ALOX12B: variants seen among roughly 807,000 people sequenced by gnomAD.
The protein encoded by ALOX12B is arachidonate 12-lipoxygenase, 12R-type.
A neutral mutation model predicts 78.9 loss-of-function variants in ALOX12B; 47 were observed. The observed-to-expected ratio is 0.60, with a 90% CI of 0.47 to 0.76. ALOX12B has a LOEUF of 0.76. Among genes scored for constraint, ALOX12B ranks in the 30% least tolerant of loss-of-function variants. The probability of loss-of-function intolerance (pLI) is 0.00; values close to 1 mark genes in which losing one functional copy is unlikely to be tolerated. For synonymous variants in ALOX12B, 370 were observed against 374.5 expected (o/e 0.99, Z 0.14); for missense variants, 805 against 922.6 (o/e 0.87, Z 1.65).
intron 1 of ALOX12B, 66 bp from the exon 2 acceptor site, chr17:8,086,286 T>C (rs1978298155): frequency 6.6e-7 from 1 of 1,523,770 alleles, no homozygotes; most frequent in Non-Finnish European, 9.0e-7. Flanking sequence ...CGCCCACCCC[T>C]CTGGCCCCTC....
chr17:8,077,016 G>T lies in ALOX12B; in HGVS notation c.1249C>A (p.Leu417Met). ...TTGTAGAGGGGGTGGCACATGGGCA[G>T]GTTCCTCAGCAAGGCCAGGCAGAAG... ...EAFCLALLRN[L>M]PMCHPLYKLL... The change falls in exon 9 of 15, where the codon CTG becomes ATG. Residue 417 changes from leucine (L) to methionine (M), a missense_variant. By Grantham distance (15) the Leu-to-Met change is conservative. Coordinates refer to ENST00000647874, the MANE Select transcript of ALOX12B (RefSeq NM_001139.3). The T allele has an allele frequency of 6.2e-7, 1 of 1,613,868 alleles. No individual in the cohort carries two copies. Among genetic ancestry groups the T allele is most frequent in the Non-Finnish European group, 8.5e-7 (1 of 1,179,974 alleles).
At chr17:8,073,865 G>C (rs1361044850) in intron 12 of ALOX12B, 108 bp from the exon 13 acceptor site, 10 of 881,964 alleles carry the variant, frequency 1.1e-5, no homozygotes, top group East Asian at 2.6e-5. Flanking sequence ...AAAGCTTCAA[G>C]CTGCCGCATC....
In ALOX12B at chr17:8,073,160, C is replaced by A. The variant is rs1296196861; in HGVS notation, c.1914G>T (p.Glu638Asp). Residue 638 changes from glutamate to aspartate, a missense_variant, in exon 14 of 15, where the codon GAG becomes GAT. Coordinates refer to ENST00000647874, the MANE Select transcript of ALOX12B (RefSeq NM_001139.3). ...TLLVLWTLSREPDDRRPLGHF... is the reference protein window; with the variant it reads ...TLLVLWTLSRDPDDRRPLGHF... ...TCCCGTCTCGCACCCTGTCGTCAGG[C>A]TCTCGGCTGAGGGTCCAGAGCACCA... 1.2e-6 allele frequency: 2 copies of A among 1,614,186 alleles called. No homozygotes were observed. Among genetic ancestry groups the A allele is most frequent in the Non-Finnish European group, 1.7e-6 (2 of 1,180,038 alleles).
chr17:8,087,640 C>A lies in ALOX12B; in HGVS notation c.-198G>T. The A allele has an allele frequency of 1.1e-6, 1 of 894,276 alleles. No individual in the cohort carries two copies. The highest frequency in any genetic ancestry group is 1.7e-6 in the Non-Finnish European group (1 of 585,304). The allele number at this position is 894,276 out of a possible 1,614,324, so 55.4% of individuals were successfully genotyped here. On this transcript the variant is annotated 5_prime_UTR_variant, in exon 1 of 15. Transcript: ENST00000647874. ...CTGGAAAAGCTGCTGCCCTTGGTGG[C>A]CGGGGTGGGTGCCGGGCAGGCCCAG... is the stretch of plus-strand genomic sequence containing the variant.
chr17:8,078,099 G>C (rs1300238015), intron 8 of ALOX12B, among the ~76,000 whole-genome samples: 1 of 151,262 alleles, frequency 6.6e-6, no homozygotes, highest in Non-Finnish European at 1.5e-5. Flanking sequence ...ATCCAGAAAG[G>C]ATCTATTTTA....
chr17:8,086,798 T>C (rs886209567), intron 1 of ALOX12B, among the ~76,000 whole-genome samples: 2 of 151,598 alleles, frequency 1.3e-5, no homozygotes, highest in African/African-American at 4.9e-5. Context: ...GGCAGCTGAA[T>C]TAGGAAGAGT....
chr17:8,080,920 G>A lies in ALOX12B; in HGVS notation c.491C>T (p.Pro164Leu). Residue 164 changes from proline to leucine, a missense_variant, in exon 4 of 15, where the codon CCT (proline) becomes CTT (leucine). Transcript: ENST00000647874. This position sits in a 1 kb window ranked among gnomAD's most constrained non-coding sequence, Gnocchi z 4.8. ...PSYVHIPSYR[P>L]PVRRHRNPNR... is the part of the protein sequence containing the mutation. Reference sequence around the variant, plus strand: ...GGGGTTGCGATGCCTCCGCACCGGAGGGCGGTAACTGGGAATGTGCACATA... The same window carrying A: ...GGGGTTGCGATGCCTCCGCACCGGAAGGCGGTAACTGGGAATGTGCACATA... The A allele has an allele frequency of 1.9e-6, 3 of 1,613,936 alleles. No homozygotes were observed. The South Asian group carries it at 3.3e-5, about 18-fold the overall frequency.
At position 8,079,685 on chromosome 17, in the gene ALOX12B, C is replaced by T. The variant is rs925848891; in HGVS notation, c.927+84G>A. 4.5e-5 allele frequency: 69 copies of T among 1,547,320 alleles called. No individual in the cohort carries two copies. The highest frequency in any genetic ancestry group is 5.8e-5 in the Non-Finnish European group (67 of 1,145,508). ...GGTGCGGGCTTGCCTGGGACTGGCG[C>T]GGGCGCCGGAGGTGGGGAGAGACGG... On this transcript the variant is annotated intron_variant, in intron 7 of 14. Coordinates refer to ENST00000647874, the MANE Select transcript of ALOX12B (RefSeq NM_001139.3). This position sits in a 1 kb window ranked among gnomAD's most constrained non-coding sequence, Gnocchi z 6.4.
chr17:8,080,345 G>A lies in ALOX12B; in HGVS notation c.651-7C>T, dbSNP rs1567983195. On this transcript the variant is annotated splice_polypyrimidine_tract_variant and splice_region_variant and intron_variant, in intron 5 of 14. Coordinates refer to ENST00000647874, the MANE Select transcript of ALOX12B (RefSeq NM_001139.3). The surrounding 1 kb of genome is among the most constrained non-coding windows in gnomAD (Gnocchi z 4.8). ...GACTTTGAAAGCCAGTGCCCTAGGA[G>A]ATGGGATTCCAGGAAGAGGCCTTCA... 5.6e-6 allele frequency: 9 copies of A among 1,614,098 alleles called. No homozygotes were observed. The highest frequency in any genetic ancestry group is 2.2e-5 in the South Asian group (2 of 91,090).
At position 8,086,029 on chromosome 17, in the gene ALOX12B, G is replaced by C; in HGVS notation, c.339C>G (p.Leu113=). ...ATGAGGGCTTACCTGTGGCCTCCCG[G>C]AGTGCCAGGGTCTCGTAGCCATCCA... The part of the protein sequence containing the change: ...QWMDGYETLA[L]REATGKTTAD... Residue 113 remains leucine (L), a synonymous_variant, in exon 2 of 15, where the codon CTC becomes CTG. Coordinates refer to ENST00000647874, the MANE Select transcript of ALOX12B (RefSeq NM_001139.3). The C allele has an allele frequency of 1.2e-6, 2 of 1,614,180 alleles. No homozygotes were observed. The highest frequency in any genetic ancestry group is 2.7e-5 in the African/African-American group (2 of 75,070).
Position 8,072,777 on chromosome 17 carries a change from A to G in ALOX12B, c.2100T>C (p.Ser700=), listed in dbSNP as rs1977007242. Residue 700 remains serine, a synonymous_variant, in exon 15 of 15, where the codon TCT becomes TCC. Transcript: ENST00000647874. ...LDPVLIENSI[S]I ...AGAGACGGGAAGCGCGCTCCTAAATAGAAATGCTGTTCTCAATCAGCACCG... is the reference window on the plus strand; with the variant it reads ...AGAGACGGGAAGCGCGCTCCTAAATGGAAATGCTGTTCTCAATCAGCACCG... 6.2e-7 allele frequency: 1 copy of G among 1,614,124 alleles called. No individual in the cohort carries two copies. Among genetic ancestry groups the G allele is most frequent in the South Asian group, 1.1e-5 (1 of 91,094 alleles).
intron 2 of ALOX12B, among the ~76,000 whole-genome samples, chr17:8,082,283 G>A (rs1977231816): frequency 6.6e-6 from 1 of 152,114 alleles, no homozygotes. Flanking sequence ...GCACTTACTA[G>A]GTCCCAGGTA....
rs769857850 is a variant in ALOX12B at position 8,072,806 on chromosome 17, C to G, written c.2071G>C (p.Asp691His). 3 of 1,614,192 alleles carry G rather than the reference C, an allele frequency of 1.9e-6. No homozygotes were observed. The highest frequency in any genetic ancestry group is 2.2e-5 in the East Asian group (1 of 44,886). Residue 691 changes from aspartate to histidine, a missense_variant, in exon 15 of 15, where the codon GAC becomes CAC. Physicochemically the swap from Asp to His is moderately conservative, Grantham distance 81. Coordinates refer to ENST00000647874, the MANE Select transcript of ALOX12B (RefSeq NM_001139.3). ...KCLPIPYYYL[D>H]PVLIENSISI Reference sequence around the variant, plus strand: ...ATGCTGTTCTCAATCAGCACCGGGTCCAGGTAGTAGTAGGGGATGGGAAGG... The same window carrying G: ...ATGCTGTTCTCAATCAGCACCGGGTGCAGGTAGTAGTAGGGGATGGGAAGG...
Position 8,080,170 on chromosome 17 carries a change from G to A in ALOX12B, c.754+65C>T, listed in dbSNP as rs369944909. On this transcript the variant is annotated intron_variant, in intron 6 of 14. Coordinates refer to ENST00000647874, the MANE Select transcript of ALOX12B (RefSeq NM_001139.3). This position sits in a 1 kb window ranked among gnomAD's most constrained non-coding sequence, Gnocchi z 4.8. ...CCGTCCCACTGCCCCGAAGTCGGGGGCCTGCCTAGCACGCCGGAGACCGCC... is the reference window on the plus strand; with the variant it reads ...CCGTCCCACTGCCCCGAAGTCGGGGACCTGCCTAGCACGCCGGAGACCGCC... The A allele has an allele frequency of 1.3e-6, 2 of 1,565,338 alleles. No homozygotes were observed. Among genetic ancestry groups the A allele is most frequent in the South Asian group, 1.1e-5 (1 of 90,094 alleles).
chr17:8,072,964 G>A lies in ALOX12B; in HGVS notation c.1927-14C>T, dbSNP rs761405902. 1 of 1,608,926 alleles carries A rather than the reference G, an allele frequency of 6.2e-7. No homozygotes were observed. On this transcript the variant is annotated splice_polypyrimidine_tract_variant and intron_variant, in intron 14 of 14. Coordinates refer to ENST00000647874, the MANE Select transcript of ALOX12B (RefSeq NM_001139.3). ...TCCCAGGGGCCGCTGCGGGCAGAGA[G>A]CTCGACAGCTGGGACCAGGGCCGGC...
At position 8,081,199 on chromosome 17, in the gene ALOX12B, C is replaced by T. The variant is rs565146985; in HGVS notation, c.353-12G>A. 2.5e-5 allele frequency: 41 copies of T among 1,613,444 alleles called. No individual in the cohort carries two copies. The South Asian group carries it at 4.3e-4, about 17-fold the overall frequency. ...TGCTGTTGTCTTTCCTGTAGGGAGA[C>T]CAAGGAGAGGACTCAAGGGCTGACC... On this transcript the variant is annotated splice_polypyrimidine_tract_variant and intron_variant, in intron 2 of 14. Transcript: ENST00000647874.
rs1224737731 is a variant in ALOX12B, at chr17:8,076,360, C to T, written c.1363-16G>A. On this transcript the variant is annotated splice_polypyrimidine_tract_variant and intron_variant, in intron 10 of 14. Transcript: ENST00000647874. Reference sequence around the variant, plus strand: ...GGGACATGCCCTGTGAGGAAGGAGGCAGATCCTGGAGCCGGACAGGCATCC... The same window carrying T: ...GGGACATGCCCTGTGAGGAAGGAGGTAGATCCTGGAGCCGGACAGGCATCC... 2 of 1,586,034 alleles carry T rather than the reference C, an allele frequency of 1.3e-6. No homozygotes were observed. Among genetic ancestry groups the T allele is most frequent in the Non-Finnish European group, 1.7e-6 (2 of 1,165,408 alleles).
chr17:8,076,629 T>A (rs1044510683), intron 10 of ALOX12B, 28 bp downstream of exon 10: 4 of 1,543,526 alleles, frequency 2.6e-6, no homozygotes, highest in Admixed American at 2.0e-5. Flanking sequence ...AACAAATGTC[T>A]CGTTGGGGTT....
At chr17:8,076,084 C>A in intron 11 of ALOX12B, 91 bp downstream of exon 11, 2 of 1,549,864 alleles carry the variant, frequency 1.3e-6, no homozygotes, top group Non-Finnish European at 8.8e-7. Flanking sequence ...TGACACCAGA[C>A]CCACACTCAG....
Sources: gnomAD v4.1 joint callset for allele counts (sites outside exome capture counted in the v4.1 genomes callset) on GRCh38, gnomAD v4.1.1 for gene constraint, Gnocchi (gnomAD v3.1) non-coding constraint, MANE v1.5 for transcripts, NCBI Gene and HGNC (gene_info 2026-07-23, HGNC 2026-07-21) for gene names.